The following SLCO1A2 variants were observed in gnomAD, a reference collection of about 807,000 sequenced individuals.
SLCO1A2 encodes OATP-1.
SLCO1A2 carries 67 observed loss-of-function variants against 69.0 expected under a neutral mutation model. The observed-to-expected ratio is 0.97, with a 90% confidence interval of 0.80 to 1.19. The LOEUF (loss-of-function observed/expected upper bound fraction) is 1.19. Ranked by LOEUF, SLCO1A2 falls within the 50% of genes most tolerant of loss-of-function variation. The pLI, the probability that SLCO1A2 is intolerant of heterozygous loss-of-function variation, is 0.00. For missense variants in SLCO1A2, 787 were observed against 793.7 expected, an observed-to-expected ratio of 0.99 and a Z score of 0.10; for synonymous variants, 260 against 265.9, an observed-to-expected ratio of 0.98 and a Z score of 0.22.
chr12:21,404,819 T>A (rs1429722467), intron 1 of SLCO1A2, among the ~76,000 whole-genome samples: 2 of 152,202 alleles, frequency 1.3e-5, no homozygotes, highest in African/African-American at 4.8e-5. Flanking sequence ...CACCGTGTCT[T>A]CTACAATAAT....
intron 1 of SLCO1A2, among the ~76,000 whole-genome samples, chr12:21,382,654 G>A (rs565179771): frequency 1.3e-5 from 2 of 152,002 alleles, no homozygotes; most frequent in East Asian, 3.9e-4. Context: ...AATTAGCCGG[G>A]AATGATGGTG....
rs77076119 is a variant in SLCO1A2, at chr12:21,314,411, G to A, written c.335+138C>T. 0.019 allele frequency: 16,419 copies of A among 881,816 alleles called. 1,608 individuals carry two copies. The African/African-American group carries it at 0.23, about 12-fold the overall frequency. The allele number at this position is 881,816 out of a possible 1,614,324, so 54.6% of individuals were successfully genotyped here. A position where few individuals can be genotyped will look rare whatever the true frequency, so the allele number is the denominator to read the frequency against. On this transcript the variant is annotated intron_variant, in intron 4 of 14. Transcript: ENST00000683939. Reference sequence around the variant, plus strand: ...AGCCAAGAGCACCAAATAGACAGATGGAACAGAATGTGCATCTTCCCCTTC... The same window carrying A: ...AGCCAAGAGCACCAAATAGACAGATAGAACAGAATGTGCATCTTCCCCTTC...
At chr12:21,382,621 C>T (rs1482375542) in intron 1 of SLCO1A2, among the ~76,000 whole-genome samples, 1 of 151,796 alleles carries the variant, frequency 6.6e-6, no homozygotes, top group Non-Finnish European at 1.5e-5. Context: ...CATGGTGAAA[C>T]CCCGTCTCTA....
intron 2 of SLCO1A2, among the ~76,000 whole-genome samples, chr12:21,349,998 G>C (rs1161153905): frequency 6.6e-6 from 1 of 152,184 alleles, no homozygotes; most frequent in Non-Finnish European, 1.5e-5. Context: ...GACTGGAACA[G>C]AGGAGATGCA....
chr12:21,299,770 G>GTATATA (rs749456623), intron 8 of SLCO1A2, among the ~76,000 whole-genome samples: 162 of 129,704 alleles, frequency 1.2e-3, no homozygotes, highest in African/African-American at 1.6e-3. Context: ...ATATACGTGT[G>GTATATA]TATATATATA....
upstream of SLCO1A2, among the ~76,000 whole-genome samples, chr12:21,398,303 A>T (rs1251972910): frequency 6.6e-6 from 1 of 150,472 alleles, no homozygotes; most frequent in Non-Finnish European, 1.5e-5. Context: ...GGACACATAC[A>T]CTCTCCCAAG....
intron 2 of SLCO1A2, among the ~76,000 whole-genome samples, chr12:21,326,543 T>A (rs867242870): frequency 6.6e-6 from 1 of 152,202 alleles, no homozygotes; most frequent in African/African-American, 2.4e-5. Flanking sequence ...AAAATGCTGA[T>A]AATGATATGG....
chr12:21,352,297 G>T (rs1938024709), intron 2 of SLCO1A2, among the ~76,000 whole-genome samples: 1 of 152,128 alleles, frequency 6.6e-6, no homozygotes, highest in Non-Finnish European at 1.5e-5. Flanking sequence ...AATTCTATGA[G>T]GTTTGAGCCA....
At chr12:21,296,843 T>C (rs1739145602) in intron 9 of SLCO1A2, among the ~76,000 whole-genome samples, 1 of 152,176 alleles carries the variant, frequency 6.6e-6, no homozygotes. Flanking sequence ...CTTTAGGTAG[T>C]GTGGATACAA....
At chr12:21,298,801 T>C (rs1442256177) in intron 8 of SLCO1A2, among the ~76,000 whole-genome samples, 1 of 152,130 alleles carries the variant, frequency 6.6e-6, no homozygotes, top group Non-Finnish European at 1.5e-5. Flanking sequence ...TCCATAACAA[T>C]CCTTTAAGAA....
rs1175271353 is a variant in SLCO1A2 at position 21,276,421 on chromosome 12, C to CACACACAG, written c.1611-998_1611-997insCTGTGTGT. Among the ~76,000 whole-genome samples, 58 of 145,296 alleles carry CACACACAG rather than the reference C, an allele frequency of 4.0e-4. No homozygotes were observed. In the South Asian group the frequency reaches 0.012, roughly 30 times the overall value. On this transcript the variant is annotated intron_variant, in intron 12 of 14. Coordinates refer to ENST00000683939, the MANE Select transcript of SLCO1A2 (RefSeq NM_001386879.1). ...ACACACACACACACACACACACACA[C>CACACACAG]ACAGACCTATCTGTCCAAAATAGTG...
At chr12:21,276,556 C>CAAAAAAAAA (rs1207227203) in intron 12 of SLCO1A2, among the ~76,000 whole-genome samples, 13 of 145,114 alleles carry the variant, frequency 9.0e-5, no homozygotes, top group African/African-American at 3.2e-4. Context: ...AAAAAAAAAC[C>CAAAAAAAAA]AAAAAAAACC....
chr12:21,331,047 C>T (rs1056257794), intron 2 of SLCO1A2, among the ~76,000 whole-genome samples: 1 of 152,116 alleles, frequency 6.6e-6, no homozygotes, highest in African/African-American at 2.4e-5. Flanking sequence ...ACTTTCTTTA[C>T]ATCTCTTATT....
intron 1 of SLCO1A2, among the ~76,000 whole-genome samples, chr12:21,393,470 T>C (rs765889140): frequency 1.7e-4 from 26 of 152,178 alleles, no homozygotes; most frequent in Non-Finnish European, 3.5e-4. Context: ...AGATATAAAA[T>C]TCTCAAAAAT....
chr12:21,271,934 T>C (rs1942951485), intron 14 of SLCO1A2, among the ~76,000 whole-genome samples: 1 of 150,880 alleles, frequency 6.6e-6, no homozygotes, highest in Middle Eastern at 3.2e-3. Context: ...GATTACTGGT[T>C]GGCTTAGCTT....
intron 11 of SLCO1A2, among the ~76,000 whole-genome samples, chr12:21,293,306 AAAAAG>A (rs200975790): frequency 0.018 from 2,779 of 152,304 alleles, 65 homozygotes; most frequent in Admixed American, 0.065. Flanking sequence ...CCATCTCAAA[AAAAAG>A]AAAAGAAAAG....
intron 1 of SLCO1A2, among the ~76,000 whole-genome samples, chr12:21,386,584 T>C (rs904176566): frequency 3.3e-5 from 5 of 152,142 alleles, no homozygotes; most frequent in African/African-American, 1.2e-4. Flanking sequence ...GTGTGTTTGC[T>C]TCTCCTTCAC....
chr12:21,357,370 T>C (rs73069071), intron 2 of SLCO1A2, among the ~76,000 whole-genome samples: 21,467 of 152,052 alleles, frequency 0.14, 1,639 homozygotes, highest in Middle Eastern at 0.21. Flanking sequence ...ACCAACAAGA[T>C]TGCCAGCAAA....
intron 14 of SLCO1A2, among the ~76,000 whole-genome samples, chr12:21,271,903 T>G (rs1942945022): frequency 6.7e-6 from 1 of 150,216 alleles, no homozygotes; most frequent in Non-Finnish European, 1.5e-5. Context: ...TTTATACATT[T>G]AAAGCTCTAA....
Sources: gnomAD v4.1 joint callset for allele counts (sites outside exome capture counted in the v4.1 genomes callset) on GRCh38, gnomAD v4.1.1 for gene constraint, MANE v1.5 for transcripts, NCBI Gene and HGNC (gene_info 2026-07-23, HGNC 2026-07-21) for gene names.